Variants in BYSL observed in about 807,000 individuals in gnomAD.
BYSL encodes bystin.
BYSL carries 21 observed loss-of-function variants against 45.4 expected under a neutral mutation model. The observed-to-expected ratio is 0.46, with a 90% CI of 0.33 to 0.67. The LOEUF (loss-of-function observed/expected upper bound fraction) is 0.67, where lower values mean the gene tolerates loss of function less well. BYSL is among the 30% of genes least tolerant of loss of function. The pLI is 0.02. For synonymous variants in BYSL, 215 were observed against 231.3 expected (o/e 0.93, Z 0.64); for missense variants, 522 against 578.5 (o/e 0.90, Z 1.00).
upstream of BYSL, chr6:41,917,887 C>A: frequency 2.4e-6 from 1 of 411,962 alleles, no homozygotes; most frequent in Non-Finnish European, 5.3e-6. Flanking sequence ...AGAACATTTC[C>A]ATCATCACAG....
intron 1 of BYSL, among the ~76,000 whole-genome samples, chr6:41,923,285 G>T (rs1214419563): frequency 6.6e-6 from 1 of 151,410 alleles, no homozygotes; most frequent in Non-Finnish European, 1.5e-5. Flanking sequence ...GGGACCACAG[G>T]TGTGTGCCAC....
At chr6:41,909,165 C>T in the BYSL span, 2 of 1,437,854 alleles carry the variant, frequency 1.4e-6, no homozygotes, top group South Asian at 2.8e-5. Context: ...CAGAACAAGA[C>T]TCTGTCTCAA....
At chr6:41,928,108 C>T (rs1018831443) in intron 2 of BYSL, among the ~76,000 whole-genome samples, 1 of 152,152 alleles carries the variant, frequency 6.6e-6, no homozygotes, top group Non-Finnish European at 1.5e-5. Context: ...AAGACTGCCC[C>T]TAGTCAGGAC....
In BYSL at chr6:41,932,239, G is replaced by A. The variant is rs1317550669; in HGVS notation, c.969-122G>A. 1.1e-6 allele frequency: 1 copy of A among 926,080 alleles called. No individual in the cohort carries two copies. Among genetic ancestry groups the A allele is most frequent in the Non-Finnish European group, 1.7e-6 (1 of 601,502 alleles). 57.4% of individuals were successfully genotyped at this position (926,080 alleles called of 1,614,324 possible). A position where few individuals can be genotyped will look rare whatever the true frequency, so the allele number is the denominator to read the frequency against. On this transcript the variant is annotated intron_variant, in intron 6 of 6. Transcript: ENST00000230340. The surrounding 1 kb of genome is among the most constrained non-coding windows in gnomAD (Gnocchi z 4.7). ...TTGTGTAGGTGAGAAGGTCCCTGGGGAATACCATAGTGTAAGGGCCAGCAG... is the reference window on the plus strand; with the variant it reads ...TTGTGTAGGTGAGAAGGTCCCTGGGAAATACCATAGTGTAAGGGCCAGCAG...
chr6:41,911,669 G>A, the BYSL span, among the ~76,000 whole-genome samples: 29 of 152,168 alleles, frequency 1.9e-4, no homozygotes, highest in Admixed American at 9.8e-4. Context: ...GGGTAAGAGT[G>A]TGCAACTGAA....
chr6:41,930,445 G>A (rs1486077169), intron 3 of BYSL, 175 bp downstream of exon 3: 1 of 1,210,186 alleles, frequency 8.3e-7, no homozygotes, highest in Non-Finnish European at 1.1e-6. Flanking sequence ...TAAATGACTT[G>A]GCATCCTTGG....
At chr6:41,916,695 TTAGCAGAAAAGCA>T (rs2127380080), upstream of BYSL, 3 of 1,508,616 alleles carry the variant, frequency 2.0e-6, no homozygotes, top group East Asian at 6.8e-5. Flanking sequence ...AATACCACCT[TTAGCAGAAAAGCA>T]GAAAGACTTC....
chr6:41,912,822 C>A, the BYSL span, among the ~76,000 whole-genome samples: 3 of 151,928 alleles, frequency 2.0e-5, no homozygotes, highest in Non-Finnish European at 4.4e-5. Flanking sequence ...ATTAGAAATG[C>A]AAATTACAGC....
At position 41,932,824 on chromosome 6, in the gene BYSL, T is replaced by C. The variant is rs932014356; in HGVS notation, c.*118T>C. ...AGACCCAGATCAGGGCAGTGACAGA[T>C]CACAGGGACATCTGTGGCTCCCAGT... On this transcript the variant is annotated 3_prime_UTR_variant, in exon 7 of 7. Coordinates refer to ENST00000230340, the MANE Select transcript of BYSL (RefSeq NM_004053.4). The surrounding 1 kb of genome is among the most constrained non-coding windows in gnomAD (Gnocchi z 4.7). The C allele has an allele frequency of 2.8e-6, 3 of 1,089,978 alleles. No individual in the cohort carries two copies. Among genetic ancestry groups the C allele is most frequent in the Non-Finnish European group, 2.6e-6 (2 of 774,974 alleles). 67.5% of individuals were successfully genotyped at this position (1,089,978 alleles called of 1,614,324 possible). A position where few individuals can be genotyped will look rare whatever the true frequency, so the allele number is the denominator to read the frequency against.
chr6:41,932,756 C>T lies in BYSL; in HGVS notation c.*50C>T. Reference sequence around the variant, plus strand: ...AAAGGGGTTTGGAAGGACACCAAGACCCCCGTTGGTGACTGAAGATGACAC... The same window carrying T: ...AAAGGGGTTTGGAAGGACACCAAGATCCCCGTTGGTGACTGAAGATGACAC... On this transcript the variant is annotated 3_prime_UTR_variant, in exon 7 of 7. Transcript: ENST00000230340. The surrounding 1 kb of genome is among the most constrained non-coding windows in gnomAD (Gnocchi z 4.7). 4 of 1,537,770 alleles carry T rather than the reference C, an allele frequency of 2.6e-6. No homozygotes were observed. The highest frequency in any genetic ancestry group is 1.8e-6 in the Non-Finnish European group (2 of 1,133,416).
In BYSL at chr6:41,930,617, T is replaced by A. The variant is rs1173626054; in HGVS notation, c.571-18T>A. 1.3e-6 allele frequency: 2 copies of A among 1,595,566 alleles called. No homozygotes were observed. Among genetic ancestry groups the A allele is most frequent in the Non-Finnish European group, 1.7e-6 (2 of 1,172,298 alleles). On this transcript the variant is annotated intron_variant, in intron 3 of 6. Coordinates refer to ENST00000230340, the MANE Select transcript of BYSL (RefSeq NM_004053.4). ...CATATGTGGATGACGATGATTGTTTTACCTCCCTCATCCCTAGGTATTATC... is the reference window on the plus strand; with the variant it reads ...CATATGTGGATGACGATGATTGTTTAACCTCCCTCATCCCTAGGTATTATC...
At chr6:41,911,581 A>G in the BYSL span, among the ~76,000 whole-genome samples, 2 of 152,230 alleles carry the variant, frequency 1.3e-5, no homozygotes, top group South Asian at 4.1e-4. Context: ...TCAGCAGGAA[A>G]AAAAAGTAGG....
At chr6:41,910,078 G>T in the BYSL span, among the ~76,000 whole-genome samples, 2 of 152,032 alleles carry the variant, frequency 1.3e-5, no homozygotes, top group Non-Finnish European at 2.9e-5. Context: ...GCTGTGATAG[G>T]TCTTATCTAC....
intron 1 of BYSL, among the ~76,000 whole-genome samples, chr6:41,923,042 G>A (rs1230601410): frequency 6.6e-6 from 1 of 151,996 alleles, no homozygotes; most frequent in Non-Finnish European, 1.5e-5. Context: ...ACTTTTCACC[G>A]CTTTGGAACA....
At chr6:41,929,502 AAAAT>A (rs1227481870) in intron 2 of BYSL, among the ~76,000 whole-genome samples, 1 of 152,236 alleles carries the variant, frequency 6.6e-6, no homozygotes, top group Non-Finnish European at 1.5e-5. Context: ...TCTCTCAAAA[AAAAT>A]AAATAAATAC....
chr6:41,924,071 T>C (rs931119290), intron 1 of BYSL, among the ~76,000 whole-genome samples: 9 of 151,826 alleles, frequency 5.9e-5, no homozygotes, highest in African/African-American at 1.2e-4. Context: ...TTATCTTTTT[T>C]TTTTTTTTGA....
In BYSL at chr6:41,921,848, G is replaced by A. The variant is rs760688192; in HGVS notation, c.268+18G>A. 1.2e-6 allele frequency: 2 copies of A among 1,605,338 alleles called. No homozygotes were observed. Among genetic ancestry groups the A allele is most frequent in the South Asian group, 2.2e-5 (2 of 90,368 alleles). The stretch of plus-strand genomic sequence containing the variant: ...GCGGCTGGGTGAGTGTCTGGGATGA[G>A]GTCCGAGGAAGACAGTGGCCAGTAG... On this transcript the variant is annotated intron_variant, in intron 1 of 6. Coordinates refer to ENST00000230340, the MANE Select transcript of BYSL (RefSeq NM_004053.4).
rs747563962 is a variant in BYSL at position 41,931,453 on chromosome 6, G to T, written c.762G>T (p.Leu254=). Residue 254 remains leucine, a synonymous_variant, in exon 5 of 7, where the codon CTG becomes CTT. Transcript: ENST00000230340. ...RMAQRFYNLV[L]LPRVRDDVAE... Reference sequence around the variant, plus strand: ...CCCAGCGCTTCTACAACCTTGTCCTGCTCCCTCGAGTACGAGATGACGTTG... The same window carrying T: ...CCCAGCGCTTCTACAACCTTGTCCTTCTCCCTCGAGTACGAGATGACGTTG... 1 of 1,614,014 alleles carries T rather than the reference G, an allele frequency of 6.2e-7. No homozygotes were observed. Among genetic ancestry groups the T allele is most frequent in the African/African-American group, 1.3e-5 (1 of 74,898 alleles).
chr6:41,909,565 G>A, the BYSL span: 13 of 1,602,276 alleles, frequency 8.1e-6, no homozygotes, highest in Middle Eastern at 1.7e-4. Flanking sequence ...GACTTTCACT[G>A]GCAAACCCCA....
Sources: allele counts gnomAD v4.1 joint callset (sites outside exome capture counted in the v4.1 genomes callset), GRCh38; gene constraint gnomAD v4.1.1; non-coding constraint Gnocchi (gnomAD v3.1); transcripts MANE v1.5; gene names NCBI Gene and HGNC (gene_info 2026-07-23, HGNC 2026-07-21).